ARHGAP15: variants seen among roughly 807,000 people sequenced by gnomAD.
ARHGAP15 encodes rho GTPase-activating protein 15.
In ARHGAP15, 51 loss-of-function variants were observed where a neutral mutation model predicts 63.7. That is an observed-to-expected ratio of 0.80 (90% CI 0.64 to 1.01). The LOEUF (loss-of-function observed/expected upper bound fraction) is 1.01. ARHGAP15 is among the 50% of genes least tolerant of loss of function. ARHGAP15 has a pLI of 0.00. For missense variants in ARHGAP15, 560 were observed against 564.6 expected (o/e 0.99, Z 0.08); for synonymous variants, 191 against 193.8 (o/e 0.99, Z 0.12).
intron 6 of ARHGAP15, among the ~76,000 whole-genome samples, chr2:143,427,967 C>T (rs1008036696): frequency 1.3e-5 from 2 of 152,054 alleles, no homozygotes; most frequent in Admixed American, 1.3e-4. Context: ...TGATTATTTT[C>T]TTAGTGTTCC....
chr2:143,191,058 C>A (rs866752936), intron 2 of ARHGAP15, among the ~76,000 whole-genome samples: 1 of 152,198 alleles, frequency 6.6e-6, no homozygotes, highest in Non-Finnish European at 1.5e-5. Flanking sequence ...CGTGAGCCAC[C>A]GCACCCGGCC....
intron 10 of ARHGAP15, among the ~76,000 whole-genome samples, chr2:143,546,249 A>C (rs1695323999): frequency 6.6e-6 from 1 of 152,216 alleles, no homozygotes; most frequent in African/African-American, 2.4e-5. Context: ...TGTTAAAAAA[A>C]ATACGGGTGG....
intron 6 of ARHGAP15, among the ~76,000 whole-genome samples, chr2:143,425,736 A>T (rs1468199233): frequency 1.7e-5 from 2 of 117,540 alleles, no homozygotes; most frequent in African/African-American, 6.2e-5. Context: ...TCATTCATGA[A>T]CATCTTAATT....
intron 2 of ARHGAP15, among the ~76,000 whole-genome samples, chr2:143,166,333 C>T (rs1303449195): frequency 1.3e-5 from 2 of 152,108 alleles, no homozygotes; most frequent in African/African-American, 4.8e-5. Context: ...AATCCTGCCC[C>T]TGTGTGTGTC....
chr2:143,331,560 G>A (rs1306068704), intron 6 of ARHGAP15, among the ~76,000 whole-genome samples: 2 of 152,134 alleles, frequency 1.3e-5, no homozygotes, highest in Non-Finnish European at 2.9e-5. Flanking sequence ...AGAAATCTAT[G>A]AATGCATGAG....
chr2:143,167,325 G>C (rs1468808029), intron 2 of ARHGAP15, among the ~76,000 whole-genome samples: 1 of 151,902 alleles, frequency 6.6e-6, no homozygotes, highest in Admixed American at 6.6e-5. Context: ...GTACTTGCTG[G>C]CCATTTTACT....
At chr2:143,170,588 T>C (rs1006231004) in intron 2 of ARHGAP15, among the ~76,000 whole-genome samples, 1 of 152,130 alleles carries the variant, frequency 6.6e-6, no homozygotes, top group African/African-American at 2.4e-5. Flanking sequence ...CATTCTGCCA[T>C]GTTCAATGTG....
chr2:143,688,023 A>G (rs1683427039), intron 12 of ARHGAP15, among the ~76,000 whole-genome samples: 2 of 152,208 alleles, frequency 1.3e-5, no homozygotes, highest in Admixed American at 6.5e-5. Flanking sequence ...CAGAAAAGTG[A>G]AAAGAAAAAT....
chr2:143,686,429 C>T (rs930249417), intron 12 of ARHGAP15, among the ~76,000 whole-genome samples: 8 of 136,588 alleles, frequency 5.9e-5, no homozygotes, highest in African/African-American at 2.2e-4. Context: ...CCTTGCAAAG[C>T]ACTACTCTCA....
At chr2:143,732,124 G>A (rs1304024632) in intron 13 of ARHGAP15, among the ~76,000 whole-genome samples, 5 of 152,144 alleles carry the variant, frequency 3.3e-5, no homozygotes, top group Non-Finnish European at 7.3e-5. Context: ...TTGCAAAAGG[G>A]AAAATAATAA....
chr2:143,273,536 A>G (rs973113462), intron 6 of ARHGAP15, among the ~76,000 whole-genome samples: 5 of 152,180 alleles, frequency 3.3e-5, no homozygotes, highest in African/African-American at 9.6e-5. Context: ...TGTTCAACCT[A>G]ACTCTAGTTA....
At chr2:143,209,534 C>A (rs989116586) in intron 3 of ARHGAP15, among the ~76,000 whole-genome samples, 1 of 150,784 alleles carries the variant, frequency 6.6e-6, no homozygotes, top group Non-Finnish European at 1.5e-5. Flanking sequence ...TTCTATAAGT[C>A]CAAATTACAA....
intron 8 of ARHGAP15, among the ~76,000 whole-genome samples, chr2:143,444,590 G>A (rs898939663): frequency 2.6e-5 from 4 of 151,974 alleles, no homozygotes; most frequent in African/African-American, 7.2e-5. Flanking sequence ...GGTAACTTAC[G>A]CTACTTTCCT....
chr2:143,354,760 T>C (rs2105322362), intron 6 of ARHGAP15, among the ~76,000 whole-genome samples: 1 of 152,304 alleles, frequency 6.6e-6, no homozygotes, highest in Admixed American at 6.5e-5. Flanking sequence ...GTGCACTGAA[T>C]GTTAATTTTG....
chr2:143,197,967 TACACACACACAC>T (rs5834941), intron 2 of ARHGAP15, among the ~76,000 whole-genome samples: 20,717 of 148,520 alleles, frequency 0.14, 1,486 homozygotes, highest in Middle Eastern at 0.24. Flanking sequence ...AGTGACTGCC[TACACACACACAC>T]ACACACACAC....
In ARHGAP15 at chr2:143,624,268, G is replaced by A; in HGVS notation, c.1138+1G>A. On this transcript the variant is annotated splice_donor_variant, in intron 12 of 13. Coordinates refer to ENST00000295095, the MANE Select transcript of ARHGAP15 (RefSeq NM_018460.4). LOFTEE classifies it high-confidence loss of function. ...TTTGAGCAGTTTGTGGAAGCGATCA[G>A]TAAGTACCTCACAGAAAAGGGCAGG... 6.2e-7 allele frequency: 1 copy of A among 1,611,636 alleles called. No individual in the cohort carries two copies. Among genetic ancestry groups the A allele is most frequent in the South Asian group, 1.1e-5 (1 of 90,810 alleles).
chr2:143,412,223 A>T (rs1377572063), intron 6 of ARHGAP15, among the ~76,000 whole-genome samples: 1 of 152,196 alleles, frequency 6.6e-6, no homozygotes, highest in Non-Finnish European at 1.5e-5. Context: ...CGTGTTTTTA[A>T]GAGGTGGTCC....
chr2:143,490,997 A>G (rs1692559844), intron 9 of ARHGAP15, among the ~76,000 whole-genome samples: 1 of 152,194 alleles, frequency 6.6e-6, no homozygotes, highest in South Asian at 2.1e-4. Context: ...AGTGGGCCAG[A>G]AAAAAATTCT....
At chr2:143,162,903 G>A (rs976343140) in intron 2 of ARHGAP15, among the ~76,000 whole-genome samples, 1 of 151,980 alleles carries the variant, frequency 6.6e-6, no homozygotes, top group African/African-American at 2.4e-5. Flanking sequence ...TAATGGCAGT[G>A]TGCACTCACG....
Sources: allele counts gnomAD v4.1 joint callset (sites outside exome capture counted in the v4.1 genomes callset), GRCh38; gene constraint gnomAD v4.1.1; transcripts MANE v1.5; gene names NCBI Gene and HGNC (gene_info 2026-07-23, HGNC 2026-07-21).